The following SYTL2 variants were observed in gnomAD, a reference collection of about 807,000 sequenced individuals.
SYTL2 encodes the protein synaptotagmin-like protein 2.
In SYTL2, 165 loss-of-function variants were observed where a neutral mutation model predicts 198.7. The observed-to-expected ratio is 0.83, with a 90% CI of 0.73 to 0.94. The LOEUF is 0.94. Among genes scored for constraint, SYTL2 ranks in the 40% least tolerant of loss-of-function variants. The pLI, the probability that SYTL2 is intolerant of heterozygous loss-of-function variation, is 0.00. For synonymous variants in SYTL2, 966 were observed against 917.7 expected (o/e 1.05, Z -0.95); for missense variants, 2,835 against 2,582.8 (o/e 1.10, Z -2.12).
In SYTL2 at chr11:85,724,127, T is replaced by G. The variant is rs2088765543; in HGVS notation, c.5231A>C (p.Lys1744Thr). ...VELTLASPYMKQEKEEEKEGF... is the reference protein window; with the variant it reads ...VELTLASPYMTQEKEEEKEGF... ...TTCTTTTTCTTCCTCTTTCTCTTGTTTCATATATGGCGATGCTAGAGTCAA... is the reference window on the plus strand; with the variant it reads ...TTCTTTTTCTTCCTCTTTCTCTTGTGTCATATATGGCGATGCTAGAGTCAA... Residue 1744 changes from lysine to threonine, a missense_variant, in exon 8 of 20, where the codon AAA becomes ACA. By Grantham distance (78) the Lys-to-Thr change is moderately conservative. Around this residue, in one of 3 missense-constraint regions of SYTL2, gnomAD observed 2,645 missense variants for 2,381.7 expected, o/e 1.11. Transcript: ENST00000359152. The G allele has an allele frequency of 6.3e-7, 1 of 1,593,074 alleles. No homozygotes were observed. The highest frequency in any genetic ancestry group is 1.9e-5 in the Admixed American group (1 of 53,314).
intron 9 of SYTL2, 42 bp downstream of exon 9, chr11:85,720,816 G>T: frequency 7.1e-7 from 1 of 1,414,558 alleles, no homozygotes; most frequent in Admixed American, 1.7e-5. Context: ...GCATTTTTAA[G>T]CTTAGATGGG....
At chr11:85,785,394 G>A (rs976089440) in intron 1 of SYTL2, among the ~76,000 whole-genome samples, 10 of 152,042 alleles carry the variant, frequency 6.6e-5, no homozygotes, top group Non-Finnish European at 1.2e-4. Context: ...AGGAAAAGTG[G>A]GATTTTGCCT....
chr11:85,813,340 C>T (rs1248686778), upstream of SYTL2, among the ~76,000 whole-genome samples: 1 of 152,192 alleles, frequency 6.6e-6, no homozygotes, highest in Non-Finnish European at 1.5e-5. Context: ...AATTGCACTG[C>T]TCTCTCAGGC....
intron 1 of SYTL2, among the ~76,000 whole-genome samples, chr11:85,799,900 C>T (rs1225231887): frequency 6.6e-6 from 1 of 152,188 alleles, no homozygotes; most frequent in African/African-American, 2.4e-5. Flanking sequence ...AATAAATTAA[C>T]TCTTGCCTCT....
At chr11:85,700,410 T>C (rs1347560939) in intron 17 of SYTL2, 105 bp downstream of exon 17, 4 of 852,526 alleles carry the variant, frequency 4.7e-6, no homozygotes, top group East Asian at 4.9e-5. Flanking sequence ...CGTTACTAAC[T>C]TGATAAGTTT....
chr11:85,748,494 T>A (rs1221136917), intron 2 of SYTL2, 71 bp from the exon 3 acceptor site: 3 of 1,497,994 alleles, frequency 2.0e-6, no homozygotes, highest in African/African-American at 1.4e-5. Flanking sequence ...TGACACCGCA[T>A]AAAGACATGT....
In SYTL2 at chr11:85,726,279, T is replaced by C; in HGVS notation, c.3079A>G (p.Lys1027Glu). 2 of 1,614,006 alleles carry C rather than the reference T, an allele frequency of 1.2e-6. No homozygotes were observed. Among genetic ancestry groups the C allele is most frequent in the East Asian group, 2.2e-5 (1 of 44,870 alleles). Residue 1027 changes from lysine (K) to glutamate (E), a missense_variant, in exon 8 of 20, where the codon AAA (lysine) becomes GAA (glutamate). By Grantham distance (56) the Lys-to-Glu change is moderately conservative (BLOSUM62 1). Transcript: ENST00000359152. ...RQKHKEFSDI[K>E]LSGKNTHEAE... ...TCATGGGTATTTTTACCTGATAATT[T>C]AATGTCGCTGAATTCCTTGTGTTTC...
At chr11:85,836,229 T>C in the SYTL2 span, among the ~76,000 whole-genome samples, 1 of 152,158 alleles carries the variant, frequency 6.6e-6, no homozygotes, top group Admixed American at 6.5e-5. Context: ...AAAATCATTG[T>C]TTCTCTCCTC....
intron 4 of SYTL2, among the ~76,000 whole-genome samples, chr11:85,738,968 C>A (rs958920386): frequency 6.6e-6 from 1 of 152,130 alleles, no homozygotes; most frequent in Non-Finnish European, 1.5e-5. Context: ...CCTCAACAGC[C>A]CATATTGCAA....
Position 85,726,015 on chromosome 11 carries a change from G to A in SYTL2, c.3343C>T (p.Gln1115Ter). 1 of 1,613,480 alleles carries A rather than the reference G, an allele frequency of 6.2e-7. No homozygotes were observed. Among genetic ancestry groups the A allele is most frequent in the Non-Finnish European group, 8.5e-7 (1 of 1,179,852 alleles). The part of the protein sequence containing the change: ...EEKDYSEQEI[Q>*]ESIIKTNVLS... The stretch of plus-strand genomic sequence containing the variant: ...ACATTGGTTTTTATTATGGATTCTT[G>A]AATCTCTTGTTCTGAGTAATCCTTT... Residue 1115 changes from glutamine (Q) to a stop codon, truncating the protein, a stop_gained, in exon 8 of 20, where the codon CAA (glutamine) becomes TAA (stop). Transcript: ENST00000359152. LOFTEE classifies it high-confidence loss of function.
intron 1 of SYTL2, among the ~76,000 whole-genome samples, chr11:85,791,327 C>T (rs1172860720): frequency 6.6e-6 from 1 of 152,104 alleles, no homozygotes; most frequent in East Asian, 1.9e-4. Flanking sequence ...CTCAGCTTTG[C>T]TGGGTACAGC....
At chr11:85,734,794 T>C in intron 6 of SYTL2, 52 bp from the exon 7 acceptor site, 1 of 1,308,948 alleles carries the variant, frequency 7.6e-7, no homozygotes, top group South Asian at 1.5e-5. Context: ...TAATATATAA[T>C]TTAAAATACC....
intron 1 of SYTL2, among the ~76,000 whole-genome samples, chr11:85,788,453 T>A (rs2092671764): frequency 6.6e-6 from 1 of 152,180 alleles, no homozygotes; most frequent in Non-Finnish European, 1.5e-5. Flanking sequence ...ATGTTTTCTA[T>A]TAGTTGAACC....
At chr11:85,812,056 A>C (rs1237575450), upstream of SYTL2, among the ~76,000 whole-genome samples, 1 of 152,190 alleles carries the variant, frequency 6.6e-6, no homozygotes, top group Non-Finnish European at 1.5e-5. Context: ...GCCGTGAGCC[A>C]AGATCGCACC....
intron 2 of SYTL2, 102 bp downstream of exon 2, chr11:85,757,523 G>A (rs2091935098): frequency 7.7e-6 from 10 of 1,292,170 alleles, no homozygotes; most frequent in East Asian, 2.4e-5. Context: ...TTCAGTCTTC[G>A]AGTCAGAACT....
At chr11:85,721,961 A>C (rs1270574625) in intron 8 of SYTL2, among the ~76,000 whole-genome samples, 1 of 152,140 alleles carries the variant, frequency 6.6e-6, no homozygotes, top group Non-Finnish European at 1.5e-5. Flanking sequence ...GCTCAGCCGC[A>C]AGTCAAATGT....
intron 2 of SYTL2, among the ~76,000 whole-genome samples, chr11:85,751,303 T>C (rs1420239707): frequency 6.6e-6 from 1 of 152,212 alleles, no homozygotes; most frequent in Non-Finnish European, 1.5e-5. Flanking sequence ...CAAAGTTTTG[T>C]AAAGATGTAG....
chr11:85,769,486 T>C (rs2092311905), intron 1 of SYTL2, among the ~76,000 whole-genome samples: 1 of 152,222 alleles, frequency 6.6e-6, no homozygotes, highest in African/African-American at 2.4e-5. Flanking sequence ...GGAATTCAGC[T>C]CTGTTGATCT....
At chr11:85,805,795 A>G (rs928870251) in intron 1 of SYTL2, among the ~76,000 whole-genome samples, 8 of 152,220 alleles carry the variant, frequency 5.3e-5, no homozygotes, top group African/African-American at 1.9e-4. Context: ...AATACGTGGA[A>G]TTGTTTGCTA....
Sources: gnomAD v4.1 joint callset for allele counts (sites outside exome capture counted in the v4.1 genomes callset) on GRCh38, gnomAD v4.1.1 for gene constraint, gnomAD v4.1.1 regional missense constraint, MANE v1.5 for transcripts, NCBI Gene and HGNC (gene_info 2026-07-23, HGNC 2026-07-21) for gene names.